The following PARP8 variants were observed in gnomAD, a reference collection of about 807,000 sequenced individuals.
PARP8 encodes the protein protein mono-ADP-ribosyltransferase PARP8.
A neutral mutation model predicts 124.1 loss-of-function variants in PARP8; 51 were observed. The observed-to-expected ratio is 0.41, with a 90% CI of 0.33 to 0.52. The LOEUF (loss-of-function observed/expected upper bound fraction) is 0.52, where lower values mean the gene tolerates loss of function less well. Among genes scored for constraint, PARP8 ranks in the 20% least tolerant of loss-of-function variants. The pLI is 0.21. For synonymous variants in PARP8, 391 were observed against 361.5 expected, an observed-to-expected ratio of 1.08 and a Z score of -0.93; for missense variants, 860 against 1,018.9, an observed-to-expected ratio of 0.84 and a Z score of 2.12.
chr5:50,790,928 ATAAT>A (rs1741884103), intron 10 of PARP8, among the ~76,000 whole-genome samples: 1 of 152,176 alleles, frequency 6.6e-6, no homozygotes, highest in Non-Finnish European at 1.5e-5. Flanking sequence ...CTAATTATAA[ATAAT>A]TAGATTTGGC....
intron 14 of PARP8, among the ~76,000 whole-genome samples, chr5:50,814,251 G>T (rs1744832756): frequency 6.6e-6 from 1 of 152,062 alleles, no homozygotes; most frequent in African/African-American, 2.4e-5. Context: ...TATCCATGGG[G>T]AAAATTTAGG....
chr5:50,666,955 AC>A lies in PARP8; in HGVS notation c.-140del. 3 of 1,453,268 alleles carry A rather than the reference AC, an allele frequency of 2.1e-6. No homozygotes were observed. The highest frequency in any genetic ancestry group is 2.7e-6 in the Non-Finnish European group (3 of 1,103,848). 90.0% of individuals were successfully genotyped at this position (1,453,268 alleles called of 1,614,324 possible). ...TCCTCCTCTTCTCTCACCCAGGATC[AC>A]TTCCGAAACCACTTCGCCTTCAGCC... On this transcript the variant is annotated 5_prime_UTR_variant, in exon 1 of 26. The change abolishes the stop of an existing upstream ORF in the 5' untranslated region. Transcript: ENST00000281631.
At chr5:50,817,008 G>A (rs1222549217) in intron 15 of PARP8, among the ~76,000 whole-genome samples, 1 of 152,102 alleles carries the variant, frequency 6.6e-6, no homozygotes, top group East Asian at 1.9e-4. Context: ...ATAGATTTGT[G>A]TATGTGCATA....
At chr5:50,695,071 C>T (rs540600901) in intron 2 of PARP8, among the ~76,000 whole-genome samples, 2 of 152,266 alleles carry the variant, frequency 1.3e-5, no homozygotes, top group South Asian at 4.1e-4. Flanking sequence ...TCTCCCAGTC[C>T]ACTGACTCAA....
chr5:50,675,171 G>C (rs200990362), intron 2 of PARP8, among the ~76,000 whole-genome samples: 1 of 152,170 alleles, frequency 6.6e-6, no homozygotes, highest in Admixed American at 6.5e-5. Context: ...ACAAAAATTA[G>C]CAGAGAGGTT....
intron 2 of PARP8, chr5:50,741,821 T>G (rs1758070231): frequency 2.3e-6 from 1 of 438,604 alleles, no homozygotes; most frequent in South Asian, 1.6e-5. Context: ...CTTCTTTTTT[T>G]TTTTTTTAGG....
intron 2 of PARP8, among the ~76,000 whole-genome samples, chr5:50,739,562 T>C (rs1757814683): frequency 6.6e-6 from 1 of 151,840 alleles, no homozygotes; most frequent in Non-Finnish European, 1.5e-5. Flanking sequence ...TTTAATTTTC[T>C]GAGGTTTATA....
chr5:50,730,967 T>G (rs773338334), intron 2 of PARP8, among the ~76,000 whole-genome samples: 41 of 152,204 alleles, frequency 2.7e-4, no homozygotes, highest in Middle Eastern at 3.2e-3. Flanking sequence ...GACTGCATGT[T>G]CAGGAATACT....
intron 23 of PARP8, among the ~76,000 whole-genome samples, chr5:50,833,666 G>T (rs1747242356): frequency 6.6e-6 from 1 of 151,982 alleles, no homozygotes; most frequent in African/African-American, 2.4e-5. Flanking sequence ...ATTTAATTTT[G>T]TTTACCTTGA....
chr5:50,757,679 T>C (rs1459126854), intron 3 of PARP8, among the ~76,000 whole-genome samples: 1 of 152,218 alleles, frequency 6.6e-6, no homozygotes, highest in East Asian at 1.9e-4. Context: ...AATTATATTC[T>C]CTTGAATCAA....
At position 50,778,606 on chromosome 5, in the gene PARP8, T is replaced by C. The variant is rs1181375641; in HGVS notation, c.626T>C (p.Ile209Thr). 6.2e-7 allele frequency: 1 copy of C among 1,609,870 alleles called. No individual in the cohort carries two copies. Among genetic ancestry groups the C allele is most frequent in the Non-Finnish European group, 8.5e-7 (1 of 1,178,662 alleles). The change falls in exon 9 of 26, where the codon ATT (isoleucine) becomes ACT (threonine). Residue 209 changes from isoleucine to threonine, a missense_variant. Physicochemically the swap from Ile to Thr is moderately conservative, Grantham distance 89. Coordinates refer to ENST00000281631, the MANE Select transcript of PARP8 (RefSeq NM_024615.4). Reference sequence around the variant, plus strand: ...GAAGTAATTCGAACAGAACCTATAATTGTTCGACTACACTGTTCACTTACA... The same window carrying C: ...GAAGTAATTCGAACAGAACCTATAACTGTTCGACTACACTGTTCACTTACA... The part of the protein sequence containing the change: ...AWEVIRTEPI[I>T]VRLHCSLTQY...
chr5:50,800,190 T>G (rs978379113), intron 14 of PARP8, among the ~76,000 whole-genome samples: 1 of 152,236 alleles, frequency 6.6e-6, no homozygotes, highest in African/African-American at 2.4e-5. Context: ...TTTATTATTT[T>G]TGATGTTACT....
chr5:50,844,850 A>T lies in PARP8; in HGVS notation c.*2782A>T, dbSNP rs1748497614. 1 of 151,758 alleles carries T rather than the reference A, an allele frequency of 6.6e-6. No homozygotes were observed. Among genetic ancestry groups the T allele is most frequent in the Non-Finnish European group, 1.5e-5 (1 of 67,774 alleles). The allele number at this position is 151,758 out of a possible 1,614,324, so 9.4% of individuals were successfully genotyped here. On this transcript the variant is annotated 3_prime_UTR_variant, in exon 26 of 26. Transcript: ENST00000281631. Reference sequence around the variant, plus strand: ...AAATGAACATTTGAGAATGGAAAAAAGTAATAATATACAAATAATCTAGTG... The same window carrying T: ...AAATGAACATTTGAGAATGGAAAAATGTAATAATATACAAATAATCTAGTG...
intron 2 of PARP8, among the ~76,000 whole-genome samples, chr5:50,686,613 A>C (rs1185149273): frequency 6.6e-6 from 1 of 152,226 alleles, no homozygotes; most frequent in Non-Finnish European, 1.5e-5. Flanking sequence ...GAGGTTCTCC[A>C]TGAGGGCCCT....
chr5:50,712,916 G>A (rs776005861), intron 2 of PARP8, among the ~76,000 whole-genome samples: 2 of 149,802 alleles, frequency 1.3e-5, no homozygotes, highest in East Asian at 1.9e-4. Context: ...TTTTATTTAT[G>A]TTAGTGGCAT....
intron 2 of PARP8, among the ~76,000 whole-genome samples, chr5:50,704,289 G>A (rs577205347): frequency 6.1e-4 from 93 of 152,126 alleles, no homozygotes; most frequent in South Asian, 2.5e-3. Flanking sequence ...TGTAGATCCT[G>A]GTCACCAATC....
At chr5:50,742,431 T>C (rs1758144310) in intron 2 of PARP8, among the ~76,000 whole-genome samples, 1 of 152,132 alleles carries the variant, frequency 6.6e-6, no homozygotes, top group Admixed American at 6.5e-5. Context: ...TAATCTTAGA[T>C]TACAAGGACA....
intron 2 of PARP8, among the ~76,000 whole-genome samples, chr5:50,683,427 A>G (rs1393500173): frequency 6.6e-6 from 1 of 152,190 alleles, no homozygotes; most frequent in Non-Finnish European, 1.5e-5. Context: ...AGTAATTATA[A>G]TGAAGACACT....
intron 2 of PARP8, among the ~76,000 whole-genome samples, chr5:50,744,126 G>A (rs1758310341): frequency 1.3e-5 from 2 of 152,076 alleles, no homozygotes; most frequent in South Asian, 4.2e-4. Flanking sequence ...TAATGAATTG[G>A]TGCATCGAAA....
Sources: gnomAD v4.1 joint callset for allele counts (sites outside exome capture counted in the v4.1 genomes callset) on GRCh38, gnomAD v4.1.1 for gene constraint, MANE v1.5 for transcripts, NCBI Gene and HGNC (gene_info 2026-07-23, HGNC 2026-07-21) for gene names.